The following RSPO2 variants were observed in gnomAD, a reference collection of about 807,000 sequenced individuals.
RSPO2 encodes the protein R-spondin 2, also known as R-spondin-2.
In RSPO2, 14 loss-of-function variants were observed where a neutral mutation model predicts 30.9. The observed-to-expected ratio is 0.45, with a 90% CI of 0.30 to 0.71. The LOEUF is 0.71. Ranked by LOEUF, RSPO2 falls within the 30% of genes least tolerant of loss-of-function variation. The pLI, the probability that RSPO2 is intolerant of heterozygous loss-of-function variation, is 0.08. For synonymous variants in RSPO2, 107 were observed against 96.4 expected, an observed-to-expected ratio of 1.11 and a Z score of -0.64; for missense variants, 264 against 301.9, an observed-to-expected ratio of 0.87 and a Z score of 0.93.
At chr8:108,059,968 A>G (rs1189236919) in intron 2 of RSPO2, among the ~76,000 whole-genome samples, 4 of 151,414 alleles carry the variant, frequency 2.6e-5, no homozygotes, top group African/African-American at 7.3e-5. Flanking sequence ...AAACCTGCAC[A>G]TTGTGCACAT....
At chr8:107,965,639 GTT>G (rs1360104842) in intron 3 of RSPO2, among the ~76,000 whole-genome samples, 2 of 147,080 alleles carry the variant, frequency 1.4e-5, no homozygotes, top group African/African-American at 5.0e-5. Flanking sequence ...TGCCATTCAA[GTT>G]TTTTTTTTTT....
chr8:108,079,669 A>G (rs1168093009), intron 2 of RSPO2, among the ~76,000 whole-genome samples: 1 of 151,866 alleles, frequency 6.6e-6, no homozygotes, highest in Non-Finnish European at 1.5e-5. Flanking sequence ...CTCCACAGTG[A>G]AGGTTTGATT....
intron 3 of RSPO2, among the ~76,000 whole-genome samples, chr8:107,970,235 T>A (rs1259976672): frequency 6.6e-6 from 1 of 152,248 alleles, no homozygotes; most frequent in Non-Finnish European, 1.5e-5. Context: ...AAAAACTTTA[T>A]GAACATTGAC....
At chr8:107,972,603 C>G (rs575974231) in intron 3 of RSPO2, among the ~76,000 whole-genome samples, 5 of 151,964 alleles carry the variant, frequency 3.3e-5, no homozygotes, top group Non-Finnish European at 7.4e-5. Context: ...AAGGTATGCA[C>G]AGTCCTTAAC....
At chr8:107,968,660 A>G (rs991888299) in intron 3 of RSPO2, among the ~76,000 whole-genome samples, 29 of 152,124 alleles carry the variant, frequency 1.9e-4, no homozygotes, top group African/African-American at 7.0e-4. Flanking sequence ...TTCATTTCAC[A>G]TGGTATACAG....
intron 3 of RSPO2, among the ~76,000 whole-genome samples, chr8:107,966,456 T>C (rs191785340): frequency 5.9e-5 from 9 of 152,262 alleles, no homozygotes; most frequent in Admixed American, 1.3e-4. Context: ...CACAGCGAGC[T>C]GGAGAGTGAA....
chr8:107,942,062 A>C (rs1812916422), intron 5 of RSPO2, among the ~76,000 whole-genome samples: 1 of 152,126 alleles, frequency 6.6e-6, no homozygotes, highest in African/African-American at 2.4e-5. Context: ...ACTTAAGAGA[A>C]TCAACTGAAA....
intron 5 of RSPO2, among the ~76,000 whole-genome samples, chr8:107,951,501 A>C (rs1813246308): frequency 6.6e-6 from 1 of 152,180 alleles, no homozygotes; most frequent in South Asian, 2.1e-4. Context: ...TTTATTTTGG[A>C]GTGTCATAAA....
At chr8:108,073,673 C>T (rs1812922822) in intron 2 of RSPO2, among the ~76,000 whole-genome samples, 1 of 152,074 alleles carries the variant, frequency 6.6e-6, no homozygotes, top group Non-Finnish European at 1.5e-5. Flanking sequence ...TTAACAAAAC[C>T]CCTATACTGT....
intron 2 of RSPO2, among the ~76,000 whole-genome samples, chr8:108,060,706 G>A (rs201651127): frequency 1.3e-5 from 2 of 151,596 alleles, no homozygotes; most frequent in African/African-American, 4.9e-5. Context: ...ACCCCTCGAG[G>A]AGAGCAACTC....
intron 5 of RSPO2, among the ~76,000 whole-genome samples, chr8:107,924,822 G>GCACA (rs59249399): frequency 5.7e-4 from 85 of 148,402 alleles, no homozygotes; most frequent in African/African-American, 1.0e-3. Flanking sequence ...CACCTAACAT[G>GCACA]CACACACACA....
In RSPO2 at chr8:107,956,428, G is replaced by A. The variant is rs796520325; in HGVS notation, c.616+1652C>T. Reference sequence around the variant, plus strand: ...ATTAGCAGATGATACATAAGCATTTGTTTTGGCGTAACTTAAATTGCTGAC... The same window carrying A: ...ATTAGCAGATGATACATAAGCATTTATTTTGGCGTAACTTAAATTGCTGAC... On this transcript the variant is annotated intron_variant, in intron 5 of 5. Coordinates refer to ENST00000276659, the MANE Select transcript of RSPO2 (RefSeq NM_178565.5). Among the ~76,000 whole-genome samples the A allele has an allele frequency of 5.9e-5, 9 of 152,294 alleles. 1 individual carries two copies. Among genetic ancestry groups the A allele is most frequent in the African/African-American group, 2.2e-4 (9 of 41,574 alleles).
At chr8:108,001,637 A>AT (rs1373934489) in intron 2 of RSPO2, among the ~76,000 whole-genome samples, 8 of 152,188 alleles carry the variant, frequency 5.3e-5, no homozygotes, top group Non-Finnish European at 1.2e-4. Flanking sequence ...CAGAAGTAAA[A>AT]CATAGGATGG....
intron 2 of RSPO2, among the ~76,000 whole-genome samples, chr8:108,039,640 G>C (rs1267430600): frequency 6.6e-6 from 1 of 152,126 alleles, no homozygotes; most frequent in Non-Finnish European, 1.5e-5. Context: ...GCCAGATAAT[G>C]AACAGGCCCC....
At chr8:108,057,055 C>CAAAAAA (rs56727719) in intron 2 of RSPO2, among the ~76,000 whole-genome samples, 28 of 36,082 alleles carry the variant, frequency 7.8e-4, no homozygotes, top group Non-Finnish European at 1.0e-3. Flanking sequence ...GACTCTGTCT[C>CAAAAAA]AAAAAAAAAA....
chr8:107,976,471 A>G (rs887936029), intron 3 of RSPO2, among the ~76,000 whole-genome samples: 2 of 152,190 alleles, frequency 1.3e-5, no homozygotes, highest in Non-Finnish European at 2.9e-5. Context: ...GTTTAACTAT[A>G]TCATAGGATT....
intron 2 of RSPO2, among the ~76,000 whole-genome samples, chr8:108,058,580 CTA>C (rs1327770448): frequency 6.6e-6 from 1 of 151,702 alleles, no homozygotes; most frequent in East Asian, 1.9e-4. Context: ...AGGCATCACA[CTA>C]CCTGACTTCA....
In RSPO2 at chr8:107,939,714, C is replaced by T. The variant is rs548988035; in HGVS notation, c.616+18366G>A. Among the ~76,000 whole-genome samples the T allele has an allele frequency of 2.6e-4, 40 of 151,928 alleles. 1 individual carries two copies. The East Asian group carries it at 2.9e-3, about 11-fold the overall frequency. ...AGAAGATGGCAAGTTAAATGCCAAG[C>T]GTTTTGCCTGCATTCTGGCAACATA... On this transcript the variant is annotated intron_variant, in intron 5 of 5. Coordinates refer to ENST00000276659, the MANE Select transcript of RSPO2 (RefSeq NM_178565.5).
At chr8:107,932,317 C>T (rs965436142) in intron 5 of RSPO2, among the ~76,000 whole-genome samples, 5 of 151,840 alleles carry the variant, frequency 3.3e-5, no homozygotes, top group South Asian at 4.2e-4. Context: ...AGGATAATCT[C>T]GGAGGAGTTT....
Sources: gnomAD v4.1 joint callset for allele counts (sites outside exome capture counted in the v4.1 genomes callset) on GRCh38, gnomAD v4.1.1 for gene constraint, MANE v1.5 for transcripts, NCBI Gene and HGNC (gene_info 2026-07-23, HGNC 2026-07-21) for gene names.